Variants in AFG1L observed in about 807,000 individuals in gnomAD.
AFG1L encodes AFG1 like ATPase.
In AFG1L, 53 loss-of-function variants were observed where a neutral mutation model predicts 62.2. The ratio of observed to expected loss-of-function variants is 0.85; its 90% CI spans 0.68 to 1.07. The LOEUF (loss-of-function observed/expected upper bound fraction) is 1.07. AFG1L is among the 50% of genes least tolerant of loss of function. The probability of loss-of-function intolerance (pLI) is 0.00; values close to 1 mark genes in which losing one functional copy is unlikely to be tolerated. For missense variants in AFG1L, 555 were observed against 590.5 expected (o/e 0.94, Z 0.62); for synonymous variants, 228 against 210.3 (o/e 1.08, Z -0.73).
intron 4 of AFG1L, among the ~76,000 whole-genome samples, chr6:108,356,408 T>C (rs978743189): frequency 6.6e-6 from 1 of 152,214 alleles, no homozygotes; most frequent in African/African-American, 2.4e-5. Flanking sequence ...TGTTGATGCA[T>C]CTAATCACTT....
intron 11 of AFG1L, among the ~76,000 whole-genome samples, chr6:108,514,329 T>G (rs1774791705): frequency 6.6e-6 from 1 of 151,922 alleles, no homozygotes; most frequent in East Asian, 1.9e-4. Context: ...CAGAAGAGAG[T>G]GGGGGCCAAT....
chr6:108,498,248 A>G (rs769910575), intron 10 of AFG1L, among the ~76,000 whole-genome samples: 1 of 152,230 alleles, frequency 6.6e-6, no homozygotes, highest in African/African-American at 2.4e-5. Context: ...AATAGACTCC[A>G]CGTCACAATG....
At chr6:108,324,647 G>T (rs1220949970) in intron 2 of AFG1L, among the ~76,000 whole-genome samples, 1 of 151,216 alleles carries the variant, frequency 6.6e-6, no homozygotes, top group Non-Finnish European at 1.5e-5. Flanking sequence ...TGCCGACACC[G>T]CCTTGCTCTT....
At chr6:108,311,651 C>T (rs1239820758) in intron 1 of AFG1L, among the ~76,000 whole-genome samples, 2 of 152,016 alleles carry the variant, frequency 1.3e-5, no homozygotes, top group African/African-American at 4.8e-5. Flanking sequence ...TGCACTCCAC[C>T]AAGCCCAGCT....
chr6:108,388,598 A>C (rs1780883740), intron 6 of AFG1L, among the ~76,000 whole-genome samples: 1 of 152,082 alleles, frequency 6.6e-6, no homozygotes, highest in Non-Finnish European at 1.5e-5. Flanking sequence ...GTTGGTTTCA[A>C]AGAACATCTT....
rs58343784 is a variant in AFG1L, at chr6:108,488,842, ACT to A, written c.1062+11553_1062+11554del. ...ACTCCAGCCTGGGTGACAGAGCGAGACTCTGTCTCCAGAAACAAACAAACAAA... is the reference window on the plus strand; with the variant it reads ...ACTCCAGCCTGGGTGACAGAGCGAGACTGTCTCCAGAAACAAACAAACAAA... On this transcript the variant is annotated intron_variant, in intron 10 of 12. Transcript: ENST00000368977. 4.4e-3 allele frequency among the ~76,000 whole-genome samples: 665 copies of A among 152,148 alleles called. 5 individuals carry two copies. The highest frequency in any genetic ancestry group is 0.014 in the African/African-American group (592 of 41,492).
chr6:108,396,329 C>A (rs894408247), intron 6 of AFG1L, among the ~76,000 whole-genome samples: 1 of 151,910 alleles, frequency 6.6e-6, no homozygotes, highest in Non-Finnish European at 1.5e-5. Flanking sequence ...TATAAATATA[C>A]CTACACTGTG....
chr6:108,450,716 C>A (rs1030454000), intron 8 of AFG1L, among the ~76,000 whole-genome samples: 1 of 151,942 alleles, frequency 6.6e-6, no homozygotes, highest in East Asian at 1.9e-4. Flanking sequence ...TTTCTTCTAG[C>A]GTTTTTATGG....
intron 6 of AFG1L, among the ~76,000 whole-genome samples, chr6:108,400,057 G>C (rs1406896287): frequency 6.6e-6 from 1 of 152,114 alleles, no homozygotes. Context: ...AGGATTACAG[G>C]TGTGAGCCAC....
intron 10 of AFG1L, among the ~76,000 whole-genome samples, chr6:108,501,649 G>A (rs562597389): frequency 6.6e-6 from 1 of 152,250 alleles, no homozygotes; most frequent in East Asian, 1.9e-4. Context: ...GGAAAAGAAG[G>A]AAGATTCTGT....
chr6:108,399,751 G>A (rs1002956870), intron 6 of AFG1L, among the ~76,000 whole-genome samples: 2 of 145,902 alleles, frequency 1.4e-5, no homozygotes, highest in African/African-American at 2.5e-5. Flanking sequence ...GGCTGGGGTG[G>A]GGTGTGGAAG....
At chr6:108,504,100 C>CA (rs1358012827) in intron 10 of AFG1L, among the ~76,000 whole-genome samples, 1 of 152,198 alleles carries the variant, frequency 6.6e-6, no homozygotes, top group Non-Finnish European at 1.5e-5. Context: ...AACAATAATG[C>CA]TTTTTTACTT....
intron 1 of AFG1L, among the ~76,000 whole-genome samples, chr6:108,298,775 G>T (rs1164504040): frequency 6.6e-6 from 1 of 152,144 alleles, no homozygotes; most frequent in Admixed American, 6.6e-5. Flanking sequence ...ATTTTAGCAT[G>T]ATTTCTCTTG....
rs1194509819 is a variant in AFG1L at position 108,387,264 on chromosome 6, A to AGCTTCCCAGGGTG, written c.749-14723_749-14711dup. The stretch of plus-strand genomic sequence containing the variant: ...GGATTCTGAGGTGGATGGGGAGTTC[A>AGCTTCCCAGGGTG]GCTTCCCAGGGTGGCTTCCCAAGGT... On this transcript the variant is annotated intron_variant, in intron 6 of 12. Transcript: ENST00000368977. 1.3e-5 allele frequency among the ~76,000 whole-genome samples: 2 copies of AGCTTCCCAGGGTG among 152,382 alleles called. 1 individual carries two copies. Among genetic ancestry groups the AGCTTCCCAGGGTG allele is most frequent in the East Asian group, 3.9e-4 (2 of 5,194 alleles).
chr6:108,485,477 A>T (rs2114835834), intron 10 of AFG1L, among the ~76,000 whole-genome samples: 1 of 151,062 alleles, frequency 6.6e-6, no homozygotes, highest in East Asian at 1.9e-4. Context: ...AGTAGACACA[A>T]GTCCTCATGT....
chr6:108,416,576 A>G (rs1016576133), intron 7 of AFG1L, among the ~76,000 whole-genome samples: 2 of 152,132 alleles, frequency 1.3e-5, no homozygotes, highest in Non-Finnish European at 2.9e-5. Flanking sequence ...CATATACACC[A>G]TGGAATACTA....
intron 8 of AFG1L, 73 bp from the exon 9 acceptor site, chr6:108,476,792 C>T: frequency 9.8e-7 from 1 of 1,024,012 alleles, no homozygotes; most frequent in Non-Finnish European, 1.5e-6. Context: ...AAAAGCTAAG[C>T]AGTCTCAGGC....
chr6:108,444,891 T>A (rs1234104907), intron 7 of AFG1L, among the ~76,000 whole-genome samples: 4 of 152,244 alleles, frequency 2.6e-5, no homozygotes, highest in African/African-American at 9.6e-5. Flanking sequence ...ATCAGTTGCA[T>A]TAGCCTCTAA....
chr6:108,511,995 A>G (rs1348895033), intron 11 of AFG1L, among the ~76,000 whole-genome samples: 1 of 152,204 alleles, frequency 6.6e-6, no homozygotes. Flanking sequence ...TGGTGCTGTG[A>G]GAGTCTAGCA....
Sources: gnomAD v4.1 joint callset for allele counts (sites outside exome capture counted in the v4.1 genomes callset) on GRCh38, gnomAD v4.1.1 for gene constraint, MANE v1.5 for transcripts, NCBI Gene and HGNC (gene_info 2026-07-23, HGNC 2026-07-21) for gene names.